The following DLGAP2 variants were observed in gnomAD, a reference collection of about 807,000 sequenced individuals.
DLGAP2 encodes DLG associated protein 2.
Under a neutral mutation model 100.3 loss-of-function variants are expected in DLGAP2, and 26 were observed. The observed-to-expected ratio is 0.26, with a 90% CI of 0.19 to 0.36. The LOEUF (loss-of-function observed/expected upper bound fraction) is 0.36, where lower values mean the gene tolerates loss of function less well. Ranked by LOEUF, DLGAP2 falls within the 10% of genes least tolerant of loss-of-function variation. The pLI is 1.00. For synonymous variants in DLGAP2, 886 were observed against 630.1 expected, an observed-to-expected ratio of 1.41 and a Z score of -6.08; for missense variants, 1,858 against 1,453.2, an observed-to-expected ratio of 1.28 and a Z score of -4.53.
At chr8:1,027,361 G>A (rs376723052) in intron 2 of DLGAP2, among the ~76,000 whole-genome samples, 26 of 150,908 alleles carry the variant, frequency 1.7e-4, no homozygotes, top group Admixed American at 5.3e-4. Flanking sequence ...CCAGGTGCCC[G>A]TTATTCTCCA....
chr8:1,124,892 G>C (rs778920462), intron 2 of DLGAP2, among the ~76,000 whole-genome samples: 1 of 152,152 alleles, frequency 6.6e-6, no homozygotes, highest in Admixed American at 6.5e-5. Flanking sequence ...TCCCATTCCA[G>C]TTGCTGAGGC....
chr8:1,619,621 C>G (rs1288665261), intron 6 of DLGAP2: 2 of 152,214 alleles, frequency 1.3e-5, no homozygotes, highest in Non-Finnish European at 2.9e-5. Context: ...CTTGCAAGGA[C>G]AAGTTAAACA....
At chr8:926,806 C>G (rs930505346) in intron 2 of DLGAP2, among the ~76,000 whole-genome samples, 1 of 152,254 alleles carries the variant, frequency 6.6e-6, no homozygotes, top group African/African-American at 2.4e-5. Flanking sequence ...AGCCGTCACA[C>G]AGCGGAGCTG....
At chr8:803,630 A>G (rs905741523) in intron 1 of DLGAP2, among the ~76,000 whole-genome samples, 1 of 152,018 alleles carries the variant, frequency 6.6e-6, no homozygotes, top group Non-Finnish European at 1.5e-5. Context: ...TCATTCTTTT[A>G]TAAAACTCGA....
chr8:1,584,915 C>T (rs970544173), intron 6 of DLGAP2, among the ~76,000 whole-genome samples: 36 of 152,128 alleles, frequency 2.4e-4, no homozygotes, highest in African/African-American at 2.2e-4. Flanking sequence ...CTTGTGCATA[C>T]CAACTCTAGT....
At chr8:1,067,821 C>G (rs796935489) in intron 2 of DLGAP2, among the ~76,000 whole-genome samples, 13 of 152,068 alleles carry the variant, frequency 8.5e-5, no homozygotes, top group African/African-American at 3.1e-4. Flanking sequence ...CACCCGGAGT[C>G]CGTGGTTCAC....
intron 1 of DLGAP2, among the ~76,000 whole-genome samples, chr8:777,230 G>C (rs1821546662): frequency 6.7e-6 from 1 of 150,306 alleles, no homozygotes; most frequent in Admixed American, 6.6e-5. Flanking sequence ...CTTTTATTTT[G>C]AGCCTATGTG....
At chr8:1,168,643 A>AT (rs1191500182) in intron 2 of DLGAP2, among the ~76,000 whole-genome samples, 1 of 147,362 alleles carries the variant, frequency 6.8e-6, no homozygotes, top group South Asian at 2.2e-4. Context: ...GATGGTGAGC[A>AT]TTTTTTCATG....
At chr8:1,428,137 A>G (rs950757086) in intron 3 of DLGAP2, among the ~76,000 whole-genome samples, 3 of 148,300 alleles carry the variant, frequency 2.0e-5, no homozygotes, top group Admixed American at 1.3e-4. Context: ...AATATAAAAT[A>G]AAAAATAATC....
intron 2 of DLGAP2, among the ~76,000 whole-genome samples, chr8:1,067,953 C>G (rs1237271391): frequency 6.6e-6 from 1 of 152,098 alleles, no homozygotes; most frequent in Non-Finnish European, 1.5e-5. Flanking sequence ...TCTGCTCCGC[C>G]CACTCCTCCC....
chr8:1,286,849 C>G (rs1316206210), intron 3 of DLGAP2, among the ~76,000 whole-genome samples: 1 of 152,204 alleles, frequency 6.6e-6, no homozygotes, highest in Non-Finnish European at 1.5e-5. Context: ...GGGAAAGTGA[C>G]TTGATTTGCA....
intron 2 of DLGAP2, among the ~76,000 whole-genome samples, chr8:1,096,317 G>A (rs1380168755): frequency 6.6e-6 from 1 of 152,246 alleles, no homozygotes; most frequent in African/African-American, 2.4e-5. Flanking sequence ...GATGCAGGAG[G>A]TTTGTGTGTG....
intron 3 of DLGAP2, among the ~76,000 whole-genome samples, chr8:1,324,479 T>C (rs1585260377): frequency 6.6e-6 from 1 of 152,198 alleles, no homozygotes; most frequent in Non-Finnish European, 1.5e-5. Context: ...GCGACATGTT[T>C]CCACAGGCAG....
chr8:953,849 G>C (rs1799538172), intron 2 of DLGAP2, among the ~76,000 whole-genome samples: 1 of 152,232 alleles, frequency 6.6e-6, no homozygotes, highest in Non-Finnish European at 1.5e-5. Context: ...CAGTCACTCA[G>C]ATGGCTGAAA....
At chr8:1,570,330 G>C (rs1002356279) in intron 6 of DLGAP2, among the ~76,000 whole-genome samples, 1 of 152,206 alleles carries the variant, frequency 6.6e-6, no homozygotes, top group African/African-American at 2.4e-5. Flanking sequence ...CCATGATGTC[G>C]TCTCTGCATC....
intron 2 of DLGAP2, among the ~76,000 whole-genome samples, chr8:970,053 A>C (rs1799975568): frequency 6.6e-6 from 1 of 152,222 alleles, no homozygotes; most frequent in Non-Finnish European, 1.5e-5. Flanking sequence ...AAATGAGTGA[A>C]ATTCTGACAT....
At chr8:844,425 C>G (rs1192596236) in intron 1 of DLGAP2, among the ~76,000 whole-genome samples, 3 of 152,196 alleles carry the variant, frequency 2.0e-5, no homozygotes, top group African/African-American at 4.8e-5. Context: ...TCGATTGACC[C>G]CCTTTCCAGC....
chr8:1,451,389 C>T (rs957731825), intron 3 of DLGAP2, among the ~76,000 whole-genome samples: 2 of 152,174 alleles, frequency 1.3e-5, no homozygotes, highest in African/African-American at 4.8e-5. Flanking sequence ...CCTCCAGCCA[C>T]CTCCTGCCAG....
In DLGAP2 at chr8:1,514,708, G is replaced by A. The variant is rs529138423; in HGVS notation, c.172+13277G>A. On this transcript the variant is annotated intron_variant, in intron 4 of 14. Coordinates refer to ENST00000637795, the MANE Select transcript of DLGAP2 (RefSeq NM_001346810.2). ...AGGAGGGGACAGCACGTGACAGAAC[G>A]AGTCCCACAGTCAGTGAGGATGGGC... Among the ~76,000 whole-genome samples the A allele has an allele frequency of 6.6e-5, 10 of 152,290 alleles. No individual in the cohort carries two copies. In the South Asian group the frequency reaches 2.1e-3, roughly 32 times the overall value.
Sources: allele counts gnomAD v4.1 joint callset (sites outside exome capture counted in the v4.1 genomes callset), GRCh38; gene constraint gnomAD v4.1.1; transcripts MANE v1.5; gene names NCBI Gene and HGNC (gene_info 2026-07-23, HGNC 2026-07-21).